The following DLGAP2 variants were observed in gnomAD, a reference collection of about 807,000 sequenced individuals.
DLGAP2 encodes DLG associated protein 2.
In DLGAP2, 26 loss-of-function variants were observed where a neutral mutation model predicts 100.3. The observed-to-expected ratio is 0.26, with a 90% confidence interval of 0.19 to 0.36. The LOEUF is 0.36. Ranked by LOEUF, DLGAP2 falls within the 10% of genes least tolerant of loss-of-function variation. DLGAP2 has a pLI of 1.00. For missense variants in DLGAP2, 1,858 were observed against 1,453.2 expected (o/e 1.28, Z -4.53); for synonymous variants, 886 against 630.1 (o/e 1.41, Z -6.08).
rs183682230 is a variant in DLGAP2, at chr8:1,339,349, G to A, written c.106+80466G>A. Reference sequence around the variant, plus strand: ...TGACCTCAGTGAGGCATGAGGACCCGGGAGGGAATGCAGTGACTTCAGTAA... The same window carrying A: ...TGACCTCAGTGAGGCATGAGGACCCAGGAGGGAATGCAGTGACTTCAGTAA... On this transcript the variant is annotated intron_variant, in intron 3 of 14. Coordinates refer to ENST00000637795, the MANE Select transcript of DLGAP2 (RefSeq NM_001346810.2). Among the ~76,000 whole-genome samples, 651 of 151,330 alleles carry A rather than the reference G, an allele frequency of 4.3e-3. 3 individuals are homozygous for A. Among genetic ancestry groups the A allele is most frequent in the African/African-American group, 0.015 (615 of 41,128 alleles).
intron 2 of DLGAP2, among the ~76,000 whole-genome samples, chr8:932,359 A>C (rs1332941004): frequency 6.6e-6 from 1 of 152,044 alleles, no homozygotes; most frequent in African/African-American, 2.4e-5. Flanking sequence ...TTTTCTTCTT[A>C]TGATTTGTAA....
Position 909,148 on chromosome 8 carries a change from C to T in DLGAP2, c.73+1182C>T, listed in dbSNP as rs115640772. On this transcript the variant is annotated intron_variant, in intron 2 of 14. Coordinates refer to ENST00000637795, the MANE Select transcript of DLGAP2 (RefSeq NM_001346810.2). ...TTCTTTTACCCAGTCAAGTGTGTCT[C>T]AGCTACGAGTTTGAGCATATCTGCT... Among the ~76,000 whole-genome samples, 795 of 152,330 alleles carry T rather than the reference C, an allele frequency of 5.2e-3. 7 individuals are homozygous for T. Among genetic ancestry groups the T allele is most frequent in the African/African-American group, 0.018 (758 of 41,574 alleles).
rs570232184 is a variant in DLGAP2, at chr8:1,283,287, A to G, written c.106+24404A>G. Among the ~76,000 whole-genome samples, 5 of 151,452 alleles carry G rather than the reference A, an allele frequency of 3.3e-5. No individual in the cohort carries two copies. In the East Asian group the frequency reaches 9.8e-4, roughly 30 times the overall value. Reference sequence around the variant, plus strand: ...CCCTGAACCATCCGGACGTGGTGCGACCTGAACCCAGCACGTGAACCATCC... The same window carrying G: ...CCCTGAACCATCCGGACGTGGTGCGGCCTGAACCCAGCACGTGAACCATCC... On this transcript the variant is annotated intron_variant, in intron 3 of 14. Transcript: ENST00000637795.
intron 1 of DLGAP2, among the ~76,000 whole-genome samples, chr8:895,554 A>C (rs4236862): frequency 0.92 from 139,812 of 152,222 alleles, 64,551 homozygotes; most frequent in African/African-American, 0.94. Context: ...AGTGGTAGCT[A>C]GAGCCACATT....
chr8:1,005,744 G>C (rs1407213706), intron 2 of DLGAP2, among the ~76,000 whole-genome samples: 5 of 152,106 alleles, frequency 3.3e-5, no homozygotes, highest in Admixed American at 3.3e-4. Context: ...TTTAAGCCAT[G>C]CCTTGTGCCC....
intron 3 of DLGAP2, among the ~76,000 whole-genome samples, chr8:1,456,429 T>C (rs988848271): frequency 6.6e-6 from 1 of 152,176 alleles, no homozygotes; most frequent in Non-Finnish European, 1.5e-5. Context: ...CACATAATGA[T>C]TCAAAATTGA....
At chr8:1,379,132 C>T (rs1796031493) in intron 3 of DLGAP2, among the ~76,000 whole-genome samples, 1 of 152,268 alleles carries the variant, frequency 6.6e-6, no homozygotes, top group Non-Finnish European at 1.5e-5. Flanking sequence ...GAGACAAGGC[C>T]AGTTCTTCCC....
chr8:1,234,248 C>T (rs1209033577), intron 2 of DLGAP2, among the ~76,000 whole-genome samples: 1 of 152,182 alleles, frequency 6.6e-6, no homozygotes, highest in Non-Finnish European at 1.5e-5. Context: ...CTGAGTGGAA[C>T]CAGCACAGGA....
intron 2 of DLGAP2, among the ~76,000 whole-genome samples, chr8:1,220,984 A>G (rs934153260): frequency 2.6e-5 from 4 of 152,132 alleles, no homozygotes; most frequent in African/African-American, 7.2e-5. Context: ...CTTTGAGCCT[A>G]TGGGTGTCTT....
At chr8:1,230,824 A>T (rs1798520289) in intron 2 of DLGAP2, among the ~76,000 whole-genome samples, 1 of 152,248 alleles carries the variant, frequency 6.6e-6, no homozygotes, top group African/African-American at 2.4e-5. Flanking sequence ...ATGAAACTGG[A>T]TTCCTGCCTT....
At chr8:1,386,421 C>T (rs369166025) in intron 3 of DLGAP2, among the ~76,000 whole-genome samples, 18 of 152,168 alleles carry the variant, frequency 1.2e-4, no homozygotes, top group Non-Finnish European at 1.9e-4. Context: ...AAAGACAGAT[C>T]GAGAAACCAG....
chr8:1,545,249 C>T (rs1458299814), intron 4 of DLGAP2, among the ~76,000 whole-genome samples: 1 of 152,088 alleles, frequency 6.6e-6, no homozygotes, highest in Non-Finnish European at 1.5e-5. Flanking sequence ...CCTGTGACAC[C>T]ATCTGGTCCT....
chr8:1,614,691 G>A (rs1401496523), intron 6 of DLGAP2, among the ~76,000 whole-genome samples: 1 of 152,224 alleles, frequency 6.6e-6, no homozygotes, highest in African/African-American at 2.4e-5. Context: ...ATGCAGGTTG[G>A]CCAAGCCAAG....
intron 6 of DLGAP2, among the ~76,000 whole-genome samples, chr8:1,616,321 G>A (rs1797152177): frequency 6.6e-6 from 1 of 152,086 alleles, no homozygotes; most frequent in Non-Finnish European, 1.5e-5. Context: ...GAGAGAATTT[G>A]GCAGAAGGTT....
At chr8:1,049,239 T>A (rs1260490154) in intron 2 of DLGAP2, among the ~76,000 whole-genome samples, 2 of 152,212 alleles carry the variant, frequency 1.3e-5, no homozygotes, top group Non-Finnish European at 2.9e-5. Flanking sequence ...TGGCAAGTTT[T>A]ATGCAAACGG....
At chr8:1,528,301 C>G (rs1800864845) in intron 4 of DLGAP2, among the ~76,000 whole-genome samples, 1 of 152,218 alleles carries the variant, frequency 6.6e-6, no homozygotes, top group Non-Finnish European at 1.5e-5. Flanking sequence ...CCAGGAGGAC[C>G]TGAGCCCACG....
At chr8:1,043,298 G>T (rs1226850673) in intron 2 of DLGAP2, among the ~76,000 whole-genome samples, 1 of 135,898 alleles carries the variant, frequency 7.4e-6, no homozygotes, top group Non-Finnish European at 1.6e-5. Context: ...GTGGGTGTGG[G>T]TGGTGGGTGT....
intron 3 of DLGAP2, among the ~76,000 whole-genome samples, chr8:1,468,551 C>G (rs1798693088): frequency 1.3e-5 from 2 of 152,240 alleles, no homozygotes; most frequent in South Asian, 4.1e-4. Context: ...ACACATGGAT[C>G]CCAAGCCTTA....
chr8:1,050,430 G>A (rs1321461131), intron 2 of DLGAP2, among the ~76,000 whole-genome samples: 1 of 152,208 alleles, frequency 6.6e-6, no homozygotes, highest in Non-Finnish European at 1.5e-5. Context: ...GTAAGCTGAT[G>A]CGTGTGTTCT....
Sources: allele counts gnomAD v4.1 joint callset (sites outside exome capture counted in the v4.1 genomes callset), GRCh38; gene constraint gnomAD v4.1.1; transcripts MANE v1.5; gene names NCBI Gene and HGNC (gene_info 2026-07-23, HGNC 2026-07-21).